Variants in LY96 observed in about 807,000 individuals in gnomAD.
LY96 encodes lymphocyte antigen 96.
LY96 carries 18 observed loss-of-function variants against 18.9 expected under a neutral mutation model. The ratio of observed to expected loss-of-function variants is 0.95; its 90% CI spans 0.66 to 1.41. The LOEUF is 1.41. Ranked by LOEUF, LY96 falls within the 40% of genes most tolerant of loss-of-function variation. The pLI is 0.00. For missense variants in LY96, 175 were observed against 182.4 expected (o/e 0.96, Z 0.23); for synonymous variants, 66 against 62.6 (o/e 1.06, Z -0.26).
the LY96 span, among the ~76,000 whole-genome samples, chr8:74,098,732 T>C: frequency 6.6e-6 from 1 of 152,224 alleles, no homozygotes; most frequent in Non-Finnish European, 1.5e-5. Context: ...CTGTTGCTCT[T>C]GACAGCAGCT....
the LY96 span, among the ~76,000 whole-genome samples, chr8:74,062,925 C>T: frequency 6.6e-6 from 1 of 152,172 alleles, no homozygotes; most frequent in Non-Finnish European, 1.5e-5. Flanking sequence ...TTATCTATAA[C>T]AGCATAATAC....
downstream of LY96, among the ~76,000 whole-genome samples, chr8:74,034,077 A>G (rs981059017): frequency 2.2e-4 from 33 of 152,218 alleles, 1 homozygote; most frequent in Non-Finnish European, 2.9e-5. Context: ...TGGTCTTACT[A>G]TAATTTCTCT....
At chr8:74,070,657 G>C in the LY96 span, among the ~76,000 whole-genome samples, 10 of 151,856 alleles carry the variant, frequency 6.6e-5, no homozygotes, top group African/African-American at 2.4e-4. Context: ...GTTTTTGAGC[G>C]TTACAGAAAT....
chr8:74,073,349 C>T, the LY96 span, among the ~76,000 whole-genome samples: 1 of 152,158 alleles, frequency 6.6e-6, no homozygotes, highest in African/African-American at 2.4e-5. Flanking sequence ...GAATTTACAG[C>T]CATAGGCATC....
the LY96 span, among the ~76,000 whole-genome samples, chr8:74,081,064 CTTACTTTCTTTCT>C: frequency 4.5e-3 from 523 of 115,146 alleles, 6 homozygotes; most frequent in African/African-American, 0.018. Context: ...TTCTTTCTTT[CTTACTTTCTTTCT>C]TCTCTTTCTC....
chr8:74,030,260 C>T (rs1182476976), downstream of LY96, among the ~76,000 whole-genome samples: 1 of 152,182 alleles, frequency 6.6e-6, no homozygotes, highest in Non-Finnish European at 1.5e-5. Context: ...CACCTGTAAT[C>T]CCATCAATTT....
chr8:74,043,886 T>C, the LY96 span, among the ~76,000 whole-genome samples: 1 of 152,216 alleles, frequency 6.6e-6, no homozygotes, highest in Non-Finnish European at 1.5e-5. Context: ...CAGGCTGAAA[T>C]GAGATGGTGC....
At chr8:74,019,561 C>T (rs1008284655) in intron 3 of LY96, among the ~76,000 whole-genome samples, 1 of 152,208 alleles carries the variant, frequency 6.6e-6, no homozygotes, top group African/African-American at 2.4e-5. Flanking sequence ...TCCTCCCTAA[C>T]TCATTTTATG....
chr8:74,068,821 C>G, the LY96 span, among the ~76,000 whole-genome samples: 9 of 152,050 alleles, frequency 5.9e-5, no homozygotes, highest in African/African-American at 1.9e-4. Context: ...CTTTTTGAGA[C>G]AGTCTCACTC....
intron 4 of LY96, 85 bp downstream of exon 4, chr8:74,026,926 C>G: frequency 1.4e-6 from 1 of 711,872 alleles, no homozygotes; most frequent in Non-Finnish European, 2.5e-6. Context: ...TTCACAACTT[C>G]TTCCTTTTTC....
chr8:74,073,481 C>T, the LY96 span, among the ~76,000 whole-genome samples: 1 of 152,066 alleles, frequency 6.6e-6, no homozygotes, highest in African/African-American at 2.4e-5. Context: ...AGAGCACAGC[C>T]ATGTAGCAGG....
Position 73,991,412 on chromosome 8 carries a change from T to C in LY96, c.-31T>C. On this transcript the variant is annotated 5_prime_UTR_variant, in exon 1 of 5. Coordinates refer to ENST00000284818, the MANE Select transcript of LY96 (RefSeq NM_015364.5). ...CTGATGATTAGTTACTGATCCTCTT[T>C]GCATTTGTAAAGCTTTGGAGATATT... 1 of 1,189,016 alleles carries C rather than the reference T, an allele frequency of 8.4e-7. No homozygotes were observed. Among genetic ancestry groups the C allele is most frequent in the Non-Finnish European group, 1.3e-6 (1 of 793,002 alleles). The allele number at this position is 1,189,016 out of a possible 1,614,324, so 73.7% of individuals were successfully genotyped here.
At chr8:74,090,550 G>C in the LY96 span, among the ~76,000 whole-genome samples, 1 of 152,204 alleles carries the variant, frequency 6.6e-6, no homozygotes, top group African/African-American at 2.4e-5. Context: ...TTAAAGATCA[G>C]TTGATATGAA....
At chr8:74,073,947 C>T in the LY96 span, among the ~76,000 whole-genome samples, 30 of 151,608 alleles carry the variant, frequency 2.0e-4, no homozygotes, top group Admixed American at 1.5e-3. Context: ...TGAGTCACAG[C>T]GCCTGACCTG....
At chr8:74,061,496 G>C in the LY96 span, among the ~76,000 whole-genome samples, 1 of 152,174 alleles carries the variant, frequency 6.6e-6, no homozygotes, top group Non-Finnish European at 1.5e-5. Flanking sequence ...GAAATAAGGA[G>C]ATGGTTAAAG....
chr8:74,065,909 G>A, the LY96 span, among the ~76,000 whole-genome samples: 1 of 152,166 alleles, frequency 6.6e-6, no homozygotes, highest in African/African-American at 2.4e-5. Flanking sequence ...GAGTACAAAG[G>A]TGAAATTGTT....
At chr8:74,090,673 G>A in the LY96 span, among the ~76,000 whole-genome samples, 6 of 152,146 alleles carry the variant, frequency 3.9e-5, no homozygotes, top group South Asian at 2.1e-4. Flanking sequence ...TTAGGGCTCC[G>A]TCCCCAACTT....
chr8:73,999,799 A>G (rs7841862), intron 1 of LY96, among the ~76,000 whole-genome samples: 73,858 of 152,064 alleles, frequency 0.49, 18,121 homozygotes, highest in African/African-American at 0.55. Context: ...GATTACAGGC[A>G]TGAGCCACCA....
intron 1 of LY96, among the ~76,000 whole-genome samples, chr8:74,001,683 C>G (rs1318528511): frequency 4.0e-5 from 6 of 151,442 alleles, no homozygotes; most frequent in South Asian, 2.1e-4. Context: ...GAGACCTCAT[C>G]TCTACAAAAA....
Sources: allele counts gnomAD v4.1 joint callset (sites outside exome capture counted in the v4.1 genomes callset), GRCh38; gene constraint gnomAD v4.1.1; transcripts MANE v1.5; gene names NCBI Gene and HGNC (gene_info 2026-07-23, HGNC 2026-07-21).